Variants in PAPOLA observed in about 807,000 individuals in gnomAD.
The protein encoded by PAPOLA is poly(A) polymerase alpha.
PAPOLA carries 15 observed loss-of-function variants against 100.6 expected under a neutral mutation model. That is an observed-to-expected ratio of 0.15 (90% CI 0.10 to 0.23). The LOEUF (loss-of-function observed/expected upper bound fraction) is 0.23. Ranked by LOEUF, PAPOLA falls within the 10% of genes least tolerant of loss-of-function variation. The pLI, the probability that PAPOLA is intolerant of heterozygous loss-of-function variation, is 1.00. For synonymous variants in PAPOLA, 293 were observed against 300.0 expected, an observed-to-expected ratio of 0.98 and a Z score of 0.24; for missense variants, 533 against 884.2, an observed-to-expected ratio of 0.60 and a Z score of 5.04.
At chr14:96,511,894 CCA>C (rs1446616214) in intron 1 of PAPOLA, among the ~76,000 whole-genome samples, 1 of 152,142 alleles carries the variant, frequency 6.6e-6, no homozygotes, top group Non-Finnish European at 1.5e-5. Context: ...CTATTTCTAG[CCA>C]CAGAGTATTG....
rs1331726758 is a variant in PAPOLA, at chr14:96,565,888, T to C, written c.*838T>C. 2 of 398,550 alleles carry C rather than the reference T, an allele frequency of 5.0e-6. No homozygotes were observed. Among genetic ancestry groups the C allele is most frequent in the African/African-American group, 4.1e-5 (2 of 48,618 alleles). The allele number at this position is 398,550 out of a possible 1,614,324, so 24.7% of individuals were successfully genotyped here. On this transcript the variant is annotated 3_prime_UTR_variant, in exon 22 of 22. Transcript: ENST00000216277. ...CCCCTGTTTTCTTCCTTTTTCTTTT[T>C]GCTTGTATGCACAAGGTAGGACTTA...
rs757452070 is a variant in PAPOLA at position 96,520,032 on chromosome 14, AT to A, written c.9-21del. The A allele has an allele frequency of 5.4e-5, 84 of 1,566,514 alleles. 1 individual carries two copies. The South Asian group carries it at 8.6e-4, about 16-fold the overall frequency. On this transcript the variant is annotated intron_variant, in intron 1 of 21. Transcript: ENST00000216277. The stretch of plus-strand genomic sequence containing the variant: ...AAATTGTAGAATTCTTTTGGCAGTA[AT>A]TGTATCCAATTTTGTTTATAGTCCA...
chr14:96,547,709 T>A, intron 15 of PAPOLA, 88 bp from the exon 16 acceptor site: 2 of 955,920 alleles, frequency 2.1e-6, no homozygotes, highest in Non-Finnish European at 3.1e-6. Context: ...GGAAAAAGGA[T>A]CCCTACTTAG....
At chr14:96,509,538 G>A (rs190396621) in intron 1 of PAPOLA, among the ~76,000 whole-genome samples, 68 of 152,276 alleles carry the variant, frequency 4.5e-4, no homozygotes, top group Non-Finnish European at 7.4e-5. Context: ...TTAATGATTG[G>A]ATATATTCTG....
chr14:96,542,163 G>A (rs1169044727), intron 12 of PAPOLA, 80 bp from the exon 13 acceptor site: 1 of 830,470 alleles, frequency 1.2e-6, no homozygotes, highest in East Asian at 2.5e-5. Context: ...TAACTGTAAG[G>A]AAGCTTATTA....
chr14:96,520,859 A>C (rs974916244), intron 2 of PAPOLA, 147 bp from the exon 3 acceptor site: 30 of 570,104 alleles, frequency 5.3e-5, no homozygotes, highest in South Asian at 1.3e-4. Flanking sequence ...AGCGAGAGAG[A>C]GAGCGAGCGA....
intron 1 of PAPOLA, among the ~76,000 whole-genome samples, chr14:96,506,647 C>G (rs1277523370): frequency 2.0e-5 from 3 of 152,130 alleles, no homozygotes; most frequent in Non-Finnish European, 1.5e-5. Flanking sequence ...TTTCTGCTGA[C>G]ATTGGTGGTA....
At chr14:96,543,424 G>T (rs1246804088) in intron 14 of PAPOLA, among the ~76,000 whole-genome samples, 1 of 152,026 alleles carries the variant, frequency 6.6e-6, no homozygotes. Flanking sequence ...GTTCGTATGA[G>T]ACTAGACTCT....
chr14:96,507,193 A>G (rs1022431053), intron 1 of PAPOLA, among the ~76,000 whole-genome samples: 3 of 152,206 alleles, frequency 2.0e-5, no homozygotes, highest in African/African-American at 7.2e-5. Flanking sequence ...ATGAGAATCC[A>G]GCCATCTTTG....
intron 20 of PAPOLA, 44 bp downstream of exon 20, chr14:96,560,755 C>T: frequency 8.7e-7 from 1 of 1,151,080 alleles, no homozygotes; most frequent in Non-Finnish European, 1.3e-6. Context: ...ATTAAGAGTA[C>T]AGAAGATGTA....
At chr14:96,545,397 T>C (rs1482963190) in intron 15 of PAPOLA, among the ~76,000 whole-genome samples, 1 of 152,106 alleles carries the variant, frequency 6.6e-6, no homozygotes, top group East Asian at 1.9e-4. Flanking sequence ...TTCTGACTGA[T>C]ACAAGTGTTG....
rs542953219 is a variant in PAPOLA at position 96,530,047 on chromosome 14, A to G, written c.496-1428A>G. ...TAATGGAATCTCTTTATTGAGAATT[A>G]TTTTTGGCTAAATGTAAGGATGTTT... On this transcript the variant is annotated intron_variant, in intron 6 of 21. Transcript: ENST00000216277. Among the ~76,000 whole-genome samples, 18 of 152,300 alleles carry G rather than the reference A, an allele frequency of 1.2e-4. 1 individual carries two copies. The highest frequency in any genetic ancestry group is 4.3e-4 in the African/African-American group (18 of 41,572).
At chr14:96,561,314 C>G (rs1324111942) in intron 20 of PAPOLA, among the ~76,000 whole-genome samples, 3 of 151,916 alleles carry the variant, frequency 2.0e-5, no homozygotes, top group African/African-American at 7.3e-5. Flanking sequence ...TTTTAACTTT[C>G]TTTCCTTGTG....
At position 96,529,741 on chromosome 14, in the gene PAPOLA, C is replaced by CA. The variant is rs551486362; in HGVS notation, c.496-1725dup. On this transcript the variant is annotated intron_variant, in intron 6 of 21. Coordinates refer to ENST00000216277, the MANE Select transcript of PAPOLA (RefSeq NM_032632.5). ...TGTCTAAAACAAAAAAACAAACAAA[C>CA]AAAAAAAAAGTGATCTTATAAAAGG... Among the ~76,000 whole-genome samples, 17 of 150,646 alleles carry CA rather than the reference C, an allele frequency of 1.1e-4. No homozygotes were observed. The South Asian group carries it at 1.7e-3, about 15-fold the overall frequency.
chr14:96,555,838 T>A lies in PAPOLA; in HGVS notation c.1665-9T>A. On this transcript the variant is annotated splice_polypyrimidine_tract_variant and intron_variant, in intron 17 of 21. Transcript: ENST00000216277. ...ATTTTGAGACAATTTTTAATTTTTT[T>A]TTTTTTAGCAGAAACAGTCCTGCTC... 6.9e-7 allele frequency: 1 copy of A among 1,446,664 alleles called. No homozygotes were observed. 89.6% of individuals were successfully genotyped at this position (1,446,664 alleles called of 1,614,324 possible). A position where few individuals can be genotyped will look rare whatever the true frequency, so the allele number is the denominator to read the frequency against.
chr14:96,565,080 C>A lies in PAPOLA; in HGVS notation c.*30C>A. ...AACCTCAGGGGTCCATAAACAATAT[C>A]TGCCAACTCAACCTGTTGTCTTCAA... is the stretch of plus-strand genomic sequence containing the variant. On this transcript the variant is annotated 3_prime_UTR_variant, in exon 22 of 22. Coordinates refer to ENST00000216277, the MANE Select transcript of PAPOLA (RefSeq NM_032632.5). The A allele has an allele frequency of 9.4e-7, 1 of 1,063,892 alleles. No individual in the cohort carries two copies. The highest frequency in any genetic ancestry group is 1.5e-6 in the Non-Finnish European group (1 of 678,246). 65.9% of individuals were successfully genotyped at this position (1,063,892 alleles called of 1,614,324 possible). A position where few individuals can be genotyped will look rare whatever the true frequency, so the allele number is the denominator to read the frequency against.
At chr14:96,551,324 A>C (rs1245243569) in intron 16 of PAPOLA, among the ~76,000 whole-genome samples, 1 of 152,200 alleles carries the variant, frequency 6.6e-6, no homozygotes, top group Non-Finnish European at 1.5e-5. Flanking sequence ...CCTCATATCT[A>C]GTGGAGAGTA....
intron 9 of PAPOLA, 57 bp downstream of exon 9, chr14:96,532,706 T>TA: frequency 6.7e-7 from 1 of 1,496,674 alleles, no homozygotes. Context: ...AGTTTAGTCT[T>TA]ATTTCTATGA....
chr14:96,529,303 T>C (rs991242858), intron 6 of PAPOLA, among the ~76,000 whole-genome samples: 7 of 152,136 alleles, frequency 4.6e-5, no homozygotes, highest in African/African-American at 1.7e-4. Flanking sequence ...CTTTGAAATC[T>C]GTTCTTTTTC....
Sources: gnomAD v4.1 joint callset for allele counts (sites outside exome capture counted in the v4.1 genomes callset) on GRCh38, gnomAD v4.1.1 for gene constraint, MANE v1.5 for transcripts, NCBI Gene and HGNC (gene_info 2026-07-23, HGNC 2026-07-21) for gene names.